TACR1: variants seen among roughly 807,000 people sequenced by gnomAD.
TACR1 encodes tachykinin receptor 1, also known as substance-P receptor.
TACR1 carries 25 observed loss-of-function variants against 35.8 expected under a neutral mutation model. The ratio of observed to expected loss-of-function variants is 0.70; its 90% CI spans 0.51 to 0.98. TACR1 has a LOEUF of 0.98. Among genes scored for constraint, TACR1 ranks in the 50% least tolerant of loss-of-function variants. The pLI is 0.00. For missense variants in TACR1, 478 were observed against 522.9 expected, an observed-to-expected ratio of 0.91 and a Z score of 0.84; for synonymous variants, 195 against 206.7, an observed-to-expected ratio of 0.94 and a Z score of 0.48.
At chr2:75,102,344 T>A (rs1334002008) in intron 2 of TACR1, among the ~76,000 whole-genome samples, 1 of 152,220 alleles carries the variant, frequency 6.6e-6, no homozygotes, top group Non-Finnish European at 1.5e-5. Flanking sequence ...TGGACAGTTG[T>A]TACTTTAAAC....
intron 1 of TACR1, among the ~76,000 whole-genome samples, chr2:75,169,643 T>A (rs1675228903): frequency 6.6e-6 from 1 of 152,234 alleles, no homozygotes. Flanking sequence ...AAAGGAATAT[T>A]AATGGGTATA....
chr2:75,171,381 C>G (rs548606334), intron 1 of TACR1, among the ~76,000 whole-genome samples: 1 of 152,192 alleles, frequency 6.6e-6, no homozygotes, highest in African/African-American at 2.4e-5. Context: ...GCCTGGATGT[C>G]CAGGCCGAGG....
chr2:75,155,987 G>C (rs1324106703), intron 1 of TACR1, among the ~76,000 whole-genome samples: 2 of 152,116 alleles, frequency 1.3e-5, no homozygotes, highest in Non-Finnish European at 1.5e-5. Flanking sequence ...AAAATAAAAA[G>C]AAGACTATTT....
At position 75,081,049 on chromosome 2, in the gene TACR1, T is replaced by C. The variant is rs546341402; in HGVS notation, c.585-27294A>G. Among the ~76,000 whole-genome samples, 7 of 152,274 alleles carry C rather than the reference T, an allele frequency of 4.6e-5. No homozygotes were observed. The South Asian group carries it at 1.2e-3, about 27-fold the overall frequency. On this transcript the variant is annotated intron_variant, in intron 2 of 4. Coordinates refer to ENST00000305249, the MANE Select transcript of TACR1 (RefSeq NM_001058.4). ...GAAATTGCTATAATTCCAGGCCCTA[T>C]GGCAGACTGCTCGAGAGAAAAATGG...
At chr2:75,077,152 T>C (rs1672996457) in intron 2 of TACR1, among the ~76,000 whole-genome samples, 1 of 152,186 alleles carries the variant, frequency 6.6e-6, no homozygotes, top group Non-Finnish European at 1.5e-5. Flanking sequence ...GTATTTTTAG[T>C]AGAGATGGGG....
intron 1 of TACR1, among the ~76,000 whole-genome samples, chr2:75,196,125 G>C (rs918975382): frequency 6.6e-6 from 1 of 152,174 alleles, no homozygotes; most frequent in Non-Finnish European, 1.5e-5. Context: ...TTCAAAGGTT[G>C]TCTGTTAAAA....
chr2:75,085,457 C>G (rs545210078), intron 2 of TACR1, among the ~76,000 whole-genome samples: 1 of 152,150 alleles, frequency 6.6e-6, no homozygotes, highest in African/African-American at 2.4e-5. Flanking sequence ...TTGGTCCTAG[C>G]GCAATCGCAC....
chr2:75,188,582 A>G (rs1207758142), intron 1 of TACR1: 2 of 152,234 alleles, frequency 1.3e-5, no homozygotes, highest in African/African-American at 4.8e-5. Context: ...ATTTTTTATT[A>G]TCTGAAATAA....
intron 2 of TACR1, among the ~76,000 whole-genome samples, chr2:75,112,593 AT>A (rs1673773972): frequency 6.6e-6 from 1 of 152,042 alleles, no homozygotes; most frequent in South Asian, 2.1e-4. Flanking sequence ...AGTTCTGGCT[AT>A]TTCTTAATTA....
intron 2 of TACR1, among the ~76,000 whole-genome samples, chr2:75,084,394 TG>T (rs1673151708): frequency 6.6e-6 from 1 of 152,208 alleles, no homozygotes; most frequent in South Asian, 2.1e-4. Context: ...TTCTCTTTTT[TG>T]GTTGTGTCTC....
chr2:75,157,612 T>A (rs1012688), intron 1 of TACR1, among the ~76,000 whole-genome samples: 4,396 of 152,150 alleles, frequency 0.029, 203 homozygotes, highest in African/African-American at 0.1. Flanking sequence ...ACTGGGAACA[T>A]CCCCCACCTA....
intron 2 of TACR1, among the ~76,000 whole-genome samples, chr2:75,101,644 C>A (rs1572930921): frequency 1.3e-5 from 2 of 152,218 alleles, no homozygotes; most frequent in Admixed American, 6.5e-5. Context: ...ATGCTAGGTT[C>A]TCTTTGGCAA....
chr2:75,156,763 C>A (rs896802350), intron 1 of TACR1, among the ~76,000 whole-genome samples: 3 of 152,050 alleles, frequency 2.0e-5, no homozygotes, highest in African/African-American at 7.2e-5. Flanking sequence ...TTATAGCAGC[C>A]CTAGGAAATG....
At chr2:75,060,836 A>G (rs925787798) in intron 2 of TACR1, among the ~76,000 whole-genome samples, 2 of 152,040 alleles carry the variant, frequency 1.3e-5, no homozygotes, top group Non-Finnish European at 2.9e-5. Context: ...GATGGATGAT[A>G]TGAGGGGAGA....
intron 1 of TACR1, among the ~76,000 whole-genome samples, chr2:75,181,477 T>C (rs1165184539): frequency 6.6e-6 from 1 of 152,240 alleles, no homozygotes; most frequent in Non-Finnish European, 1.5e-5. Flanking sequence ...TAAAATGAGA[T>C]ATTAGAATTA....
At chr2:75,100,550 CTG>C (rs1186319747) in intron 2 of TACR1, among the ~76,000 whole-genome samples, 3 of 152,144 alleles carry the variant, frequency 2.0e-5, no homozygotes, top group African/African-American at 7.2e-5. Context: ...TTTCATGACT[CTG>C]TGGTAATGAA....
chr2:75,149,599 G>A (rs1462855324), intron 1 of TACR1, among the ~76,000 whole-genome samples: 2 of 152,140 alleles, frequency 1.3e-5, no homozygotes, highest in South Asian at 4.1e-4. Context: ...TGTATCCTGG[G>A]ACTTTGCTGA....
intron 2 of TACR1, among the ~76,000 whole-genome samples, chr2:75,099,371 C>T (rs75068664): frequency 0.022 from 3,368 of 152,300 alleles, 81 homozygotes; most frequent in Admixed American, 0.075. Flanking sequence ...AGTCACTTGC[C>T]TGAGTACCTC....
chr2:75,070,134 A>G (rs1672848078), intron 2 of TACR1, among the ~76,000 whole-genome samples: 1 of 152,074 alleles, frequency 6.6e-6, no homozygotes, highest in African/African-American at 2.4e-5. Context: ...TTATAATTCA[A>G]TATTATGTCA....
Sources: gnomAD v4.1 joint callset for allele counts (sites outside exome capture counted in the v4.1 genomes callset) on GRCh38, gnomAD v4.1.1 for gene constraint, MANE v1.5 for transcripts, NCBI Gene and HGNC (gene_info 2026-07-23, HGNC 2026-07-21) for gene names.